Variants in RUNDC3B observed in about 807,000 individuals in gnomAD.
The protein encoded by RUNDC3B is RUN domain containing 3B, also known as RUN domain-containing protein 3B.
RUNDC3B carries 33 observed loss-of-function variants against 58.4 expected under a neutral mutation model. That is an observed-to-expected ratio of 0.56 (90% CI 0.43 to 0.75). The LOEUF (loss-of-function observed/expected upper bound fraction) is 0.75, where lower values mean the gene tolerates loss of function less well. RUNDC3B is among the 30% of genes least tolerant of loss of function. The pLI, the probability that RUNDC3B is intolerant of heterozygous loss-of-function variation, is 0.00. For synonymous variants in RUNDC3B, 193 were observed against 195.2 expected, an observed-to-expected ratio of 0.99 and a Z score of 0.10; for missense variants, 501 against 535.7, an observed-to-expected ratio of 0.94 and a Z score of 0.64.
At chr7:87,716,202 A>C (rs73706908) in intron 4 of RUNDC3B, among the ~76,000 whole-genome samples, 2,147 of 152,310 alleles carry the variant, frequency 0.014, 52 homozygotes, top group African/African-American at 0.049. Context: ...AGTCAGGTCC[A>C]ACTGTCAGAA....
intron 2 of RUNDC3B, among the ~76,000 whole-genome samples, chr7:87,665,556 T>C (rs1013645499): frequency 3.3e-5 from 5 of 152,132 alleles, no homozygotes; most frequent in Admixed American, 6.6e-5. Flanking sequence ...TTTTAAACTT[T>C]TATGTTCAAG....
intron 8 of RUNDC3B, among the ~76,000 whole-genome samples, chr7:87,802,662 C>T (rs1273690123): frequency 6.6e-6 from 1 of 152,184 alleles, no homozygotes; most frequent in Non-Finnish European, 1.5e-5. Flanking sequence ...CAAAATATCT[C>T]ATGTAACTCA....
At chr7:87,829,049 G>T (rs2130982658) in intron 10 of RUNDC3B, among the ~76,000 whole-genome samples, 1 of 152,220 alleles carries the variant, frequency 6.6e-6, no homozygotes, top group East Asian at 1.9e-4. Context: ...TTGTGGTTTT[G>T]ATTTGCGTTT....
chr7:87,820,664 G>C (rs971036455), intron 10 of RUNDC3B, among the ~76,000 whole-genome samples: 35 of 152,164 alleles, frequency 2.3e-4, no homozygotes, highest in Non-Finnish European at 3.2e-4. Flanking sequence ...ACCGAATCCA[G>C]CAGCACATCA....
At chr7:87,712,691 C>G (rs1830194671) in intron 4 of RUNDC3B, among the ~76,000 whole-genome samples, 1 of 151,846 alleles carries the variant, frequency 6.6e-6, no homozygotes, top group African/African-American at 2.4e-5. Context: ...AAGTGTTAAC[C>G]ATGCTTTTTC....
chr7:87,822,933 A>T (rs1043143695), intron 10 of RUNDC3B, among the ~76,000 whole-genome samples: 7 of 152,122 alleles, frequency 4.6e-5, no homozygotes, highest in Non-Finnish European at 8.8e-5. Flanking sequence ...GATATACCTA[A>T]TGCTAAATGA....
intron 4 of RUNDC3B, among the ~76,000 whole-genome samples, chr7:87,716,811 T>A (rs1184283600): frequency 6.6e-6 from 1 of 152,194 alleles, no homozygotes; most frequent in Non-Finnish European, 1.5e-5. Flanking sequence ...TGCAATGTAG[T>A]TTAATTGTGT....
At chr7:87,789,049 T>C (rs1835386042) in intron 8 of RUNDC3B, among the ~76,000 whole-genome samples, 1 of 151,838 alleles carries the variant, frequency 6.6e-6, no homozygotes. Context: ...AAGAGAGGGG[T>C]TTTGTCAACA....
At chr7:87,638,470 C>T (rs947385368) in intron 1 of RUNDC3B, among the ~76,000 whole-genome samples, 4 of 151,726 alleles carry the variant, frequency 2.6e-5, no homozygotes, top group Non-Finnish European at 4.4e-5. Context: ...CAATGTGAAC[C>T]GCAAATTGTC....
At chr7:87,756,052 G>GGGGCA (rs1300622731) in intron 6 of RUNDC3B, among the ~76,000 whole-genome samples, 8 of 152,000 alleles carry the variant, frequency 5.3e-5, no homozygotes, top group Admixed American at 4.6e-4. Flanking sequence ...TTTGGGATGC[G>GGGGCA]GGGCAGGGCA....
intron 2 of RUNDC3B, among the ~76,000 whole-genome samples, chr7:87,652,057 G>T (rs1180914959): frequency 3.3e-5 from 5 of 151,946 alleles, no homozygotes; most frequent in South Asian, 4.1e-4. Context: ...GTAGTATTTT[G>T]AGATATTATT....
At chr7:87,810,785 C>T (rs557435589) in intron 9 of RUNDC3B, among the ~76,000 whole-genome samples, 1 of 152,182 alleles carries the variant, frequency 6.6e-6, no homozygotes, top group Admixed American at 6.5e-5. Flanking sequence ...ATATCTTTTC[C>T]TATATTTCAA....
Position 87,645,783 on chromosome 7 carries a change from A to G in RUNDC3B, c.123-5039A>G, listed in dbSNP as rs148225250. Among the ~76,000 whole-genome samples, 444 of 152,288 alleles carry G rather than the reference A, an allele frequency of 2.9e-3. 4 individuals are homozygous for G. Among genetic ancestry groups the G allele is most frequent in the African/African-American group, 0.01 (420 of 41,570 alleles). ...ATTCTCATTACTCTGGCATATACTC[A>G]TGACTAGCTATATGATTTTAGAGAA... On this transcript the variant is annotated intron_variant, in intron 1 of 10. Transcript: ENST00000394654.
intron 2 of RUNDC3B, among the ~76,000 whole-genome samples, chr7:87,657,127 C>T (rs936071801): frequency 1.3e-5 from 2 of 152,094 alleles, no homozygotes; most frequent in African/African-American, 4.8e-5. Context: ...CATAAGAAGA[C>T]TCTGAAAGGT....
intron 2 of RUNDC3B, among the ~76,000 whole-genome samples, chr7:87,693,068 C>T (rs142956071): frequency 1.3e-5 from 2 of 152,146 alleles, no homozygotes; most frequent in Non-Finnish European, 2.9e-5. Context: ...GGACCATGTA[C>T]TATTGGAGAT....
rs1471137328 is a variant in RUNDC3B, at chr7:87,638,891, A to G, written c.122+9946A>G. On this transcript the variant is annotated intron_variant, in intron 1 of 10. Coordinates refer to ENST00000394654, the MANE Select transcript of RUNDC3B (RefSeq NM_001134405.2). Reference sequence around the variant, plus strand: ...TTGTCGGCTGGGCATGGTGGCTCACACCTGTAATCCCAGCACTTTGGGAGG... The same window carrying G: ...TTGTCGGCTGGGCATGGTGGCTCACGCCTGTAATCCCAGCACTTTGGGAGG... 2.6e-5 allele frequency among the ~76,000 whole-genome samples: 4 copies of G among 152,230 alleles called. No individual in the cohort carries two copies. The South Asian group carries it at 8.3e-4, about 32-fold the overall frequency.
chr7:87,641,536 T>G (rs1389509028), intron 1 of RUNDC3B, among the ~76,000 whole-genome samples: 1 of 152,164 alleles, frequency 6.6e-6, no homozygotes, highest in Non-Finnish European at 1.5e-5. Context: ...AACAACAAAA[T>G]GCACTGATTT....
intron 8 of RUNDC3B, among the ~76,000 whole-genome samples, chr7:87,793,166 A>G (rs1835620741): frequency 1.3e-5 from 2 of 152,094 alleles, no homozygotes; most frequent in African/African-American, 2.4e-5. Flanking sequence ...CAAAACCTGA[A>G]CAGATCAATA....
chr7:87,698,931 G>T (rs1227002729), intron 2 of RUNDC3B, among the ~76,000 whole-genome samples: 1 of 152,126 alleles, frequency 6.6e-6, no homozygotes, highest in Non-Finnish European at 1.5e-5. Flanking sequence ...ATTTCTGTTG[G>T]TTGATTAATA....
Sources: gnomAD v4.1 joint callset for allele counts (sites outside exome capture counted in the v4.1 genomes callset) on GRCh38, gnomAD v4.1.1 for gene constraint, MANE v1.5 for transcripts, NCBI Gene and HGNC (gene_info 2026-07-23, HGNC 2026-07-21) for gene names.